Variants in TMEM184B observed in about 807,000 individuals in gnomAD.
TMEM184B encodes transmembrane protein 184B.
In TMEM184B, 17 loss-of-function variants were observed where a neutral mutation model predicts 41.8. The observed-to-expected ratio is 0.41, with a 90% CI of 0.28 to 0.61. The LOEUF (loss-of-function observed/expected upper bound fraction) is 0.61, where lower values mean the gene tolerates loss of function less well. Among genes scored for constraint, TMEM184B ranks in the 20% least tolerant of loss-of-function variants. The probability of loss-of-function intolerance (pLI) is 0.34; values close to 1 mark genes in which losing one functional copy is unlikely to be tolerated. For missense variants in TMEM184B, 393 were observed against 557.8 expected (o/e 0.70, Z 2.98); for synonymous variants, 240 against 229.5 (o/e 1.05, Z -0.41).
At chr22:38,252,103 A>C (rs111683444) in intron 1 of TMEM184B, among the ~76,000 whole-genome samples, 2,424 of 148,794 alleles carry the variant, frequency 0.016, 76 homozygotes, top group African/African-American at 0.058. Flanking sequence ...TCTGTTGCCC[A>C]GACTGGAGTG....
rs1191722002 is a variant in TMEM184B at position 38,239,814 on chromosome 22, A to C, written c.358+6121T>G. Among the ~76,000 whole-genome samples, 1 of 152,196 alleles carries C rather than the reference A, an allele frequency of 6.6e-6. No homozygotes were observed. Among genetic ancestry groups the C allele is most frequent in the African/African-American group, 2.4e-5 (1 of 41,450 alleles). On this transcript the variant is annotated intron_variant, in intron 3 of 8. Transcript: ENST00000361906. The surrounding 1 kb of genome is among the most constrained non-coding windows in gnomAD (Gnocchi z 4.6). The stretch of plus-strand genomic sequence containing the variant: ...GTGCAGTGTTTTGAGGCAGGAGATG[A>C]AAAATTATTCTCTACAGAAACAGGT...
chr22:38,265,912 C>A (rs967166289), intron 1 of TMEM184B, among the ~76,000 whole-genome samples: 1 of 152,196 alleles, frequency 6.6e-6, no homozygotes, highest in Non-Finnish European at 1.5e-5. Flanking sequence ...GGGGAACAGC[C>A]CTGCTGAGTG....
rs1296129768 is a variant in TMEM184B, at chr22:38,221,419, C to T, written c.*50G>A. 6.5e-7 allele frequency: 1 copy of T among 1,549,144 alleles called. No individual in the cohort carries two copies. ...TGGTGGTGAGGCTGGAGGTGGGGCA[C>T]AGCCTGACCGTGGCTATGGCGCCAG... On this transcript the variant is annotated 3_prime_UTR_variant, in exon 9 of 9. Transcript: ENST00000361906.
intron 1 of TMEM184B, among the ~76,000 whole-genome samples, chr22:38,254,820 C>G (rs1051827920): frequency 6.6e-6 from 1 of 151,436 alleles, no homozygotes; most frequent in African/African-American, 2.4e-5. Flanking sequence ...TAAAATGGTG[C>G]AGCCACCATG....
chr22:38,266,993 G>A (rs1352788130), intron 1 of TMEM184B, among the ~76,000 whole-genome samples: 1 of 151,366 alleles, frequency 6.6e-6, no homozygotes, highest in East Asian at 1.9e-4. Flanking sequence ...TGAGGCAGGA[G>A]AATGGCTTGA....
intron 1 of TMEM184B, among the ~76,000 whole-genome samples, chr22:38,258,158 C>T (rs73409212): frequency 0.03 from 4,644 of 152,296 alleles, 180 homozygotes; most frequent in African/African-American, 0.088. Context: ...GAGTTGGAAC[C>T]TCAGCATTAT....
chr22:38,244,894 G>A (rs905159023), intron 3 of TMEM184B, among the ~76,000 whole-genome samples: 1 of 152,242 alleles, frequency 6.6e-6, no homozygotes, highest in African/African-American at 2.4e-5. Context: ...TCCCATGAGA[G>A]CAGCATCCTG....
chr22:38,253,929 G>A (rs371583321), intron 1 of TMEM184B, among the ~76,000 whole-genome samples: 52 of 152,318 alleles, frequency 3.4e-4, no homozygotes, highest in African/African-American at 1.2e-3. Flanking sequence ...GGCCAGGCGC[G>A]GTGGTTCACA....
At position 38,220,456 on chromosome 22, in the gene TMEM184B, G is replaced by A. The variant is rs2091227034; in HGVS notation, c.*1013C>T. 11 of 985,808 alleles carry A rather than the reference G, an allele frequency of 1.1e-5. No homozygotes were observed. In the South Asian group the frequency reaches 3.8e-4, roughly 34 times the overall value. 61.1% of individuals were successfully genotyped at this position (985,808 alleles called of 1,614,324 possible). ...TGTGTGGATAGGGGCCCCGAGAGGAGTCTGGGACCATTCCCCCCACCTCCC... is the reference window on the plus strand; with the variant it reads ...TGTGTGGATAGGGGCCCCGAGAGGAATCTGGGACCATTCCCCCCACCTCCC... On this transcript the variant is annotated 3_prime_UTR_variant, in exon 9 of 9. Coordinates refer to ENST00000361906, the MANE Select transcript of TMEM184B (RefSeq NM_012264.5).
rs143147401 is a variant in TMEM184B at position 38,247,893 on chromosome 22, G to A, written c.69C>T (p.Ser23=). The change falls in exon 2 of 9, where the codon AGC becomes AGT. Residue 23 remains serine (S), a synonymous_variant. Coordinates refer to ENST00000361906, the MANE Select transcript of TMEM184B (RefSeq NM_012264.5). ...ASPTTAAASP[S]VSVIPEGSPT... Reference sequence around the variant, plus strand: ...GGCTGCCCTCGGGGATCACGGAGACGCTGGGCGAGGCTGCTGCGGTCGTGG... The same window carrying A: ...GGCTGCCCTCGGGGATCACGGAGACACTGGGCGAGGCTGCTGCGGTCGTGG... The A allele has an allele frequency of 3.8e-5, 61 of 1,609,206 alleles. No individual in the cohort carries two copies. The East Asian group carries it at 9.2e-4, about 24-fold the overall frequency.
intron 1 of TMEM184B, among the ~76,000 whole-genome samples, chr22:38,265,420 G>A (rs1602501475): frequency 6.6e-6 from 1 of 152,256 alleles, no homozygotes; most frequent in Admixed American, 6.5e-5. Flanking sequence ...TCCCAGTGTG[G>A]CTGCAAGCTC....
intron 3 of TMEM184B, among the ~76,000 whole-genome samples, chr22:38,244,841 T>A (rs1340555377): frequency 6.6e-6 from 1 of 152,152 alleles, no homozygotes; most frequent in Non-Finnish European, 1.5e-5. Flanking sequence ...CTCTAACAGA[T>A]GAGGAATGCC....
At chr22:38,230,627 GC>G (rs773966222) in intron 5 of TMEM184B, 41 bp downstream of exon 5, 52 of 1,582,678 alleles carry the variant, frequency 3.3e-5, no homozygotes, top group Non-Finnish European at 4.3e-5. Context: ...CCCAGACCCC[GC>G]CCTGCTCCTC....
At chr22:38,258,179 G>A (rs767634465) in intron 1 of TMEM184B, among the ~76,000 whole-genome samples, 1 of 152,136 alleles carries the variant, frequency 6.6e-6, no homozygotes, top group Non-Finnish European at 1.5e-5. Flanking sequence ...CACCTAAGCT[G>A]GGCCTGAGGC....
rs74468034 is a variant in TMEM184B, at chr22:38,242,849, G to A, written c.358+3086C>T. ...GAGGCCAAGGCGGGCAGATCACAAGGTCAAGAGATCAAGACCATCCTGGCC... is the reference window on the plus strand; with the variant it reads ...GAGGCCAAGGCGGGCAGATCACAAGATCAAGAGATCAAGACCATCCTGGCC... On this transcript the variant is annotated intron_variant, in intron 3 of 8. Transcript: ENST00000361906. 5.0e-3 allele frequency among the ~76,000 whole-genome samples: 763 copies of A among 152,222 alleles called. 5 individuals carry two copies. The highest frequency in any genetic ancestry group is 8.4e-3 in the Admixed American group (129 of 15,292).
At chr22:38,256,216 C>CTTTTT (rs34076108) in intron 1 of TMEM184B, among the ~76,000 whole-genome samples, 1 of 144,508 alleles carries the variant, frequency 6.9e-6, no homozygotes, top group Non-Finnish European at 1.5e-5. Context: ...CCCAGGGGAC[C>CTTTTT]TTTTTTTTTT....
Position 38,221,130 on chromosome 22 carries a change from A to G in TMEM184B, c.*339T>C. ...CGGGGAGGAGGGGCTAGAAGGCTGC[A>G]GCCGCTGGTCCACACACAAGCATTG... On this transcript the variant is annotated 3_prime_UTR_variant, in exon 9 of 9. Transcript: ENST00000361906. The G allele has an allele frequency of 1.8e-6, 2 of 1,140,592 alleles. No individual in the cohort carries two copies. Among genetic ancestry groups the G allele is most frequent in the Non-Finnish European group, 2.2e-6 (2 of 926,712 alleles). 70.7% of individuals were successfully genotyped at this position (1,140,592 alleles called of 1,614,324 possible).
At chr22:38,238,197 A>G (rs901534089) in intron 3 of TMEM184B, among the ~76,000 whole-genome samples, 3 of 147,830 alleles carry the variant, frequency 2.0e-5, no homozygotes, top group Non-Finnish European at 4.5e-5. Flanking sequence ...CTTCTTCTGA[A>G]TGTCTTTCTG....
chr22:38,222,091 T>A, intron 8 of TMEM184B: 1 of 231,302 alleles, frequency 4.3e-6, no homozygotes, highest in Non-Finnish European at 8.5e-6. Context: ...CCAGAGGGCC[T>A]GGAAGCCAGG....
Sources: gnomAD v4.1 joint callset for allele counts (sites outside exome capture counted in the v4.1 genomes callset) on GRCh38, gnomAD v4.1.1 for gene constraint, Gnocchi (gnomAD v3.1) non-coding constraint, MANE v1.5 for transcripts, NCBI Gene and HGNC (gene_info 2026-07-23, HGNC 2026-07-21) for gene names.